Variants in ADORA2B observed in about 807,000 individuals in gnomAD.
The protein encoded by ADORA2B is adenosine receptor A2b.
Under a neutral mutation model 20.8 loss-of-function variants are expected in ADORA2B, and 18 were observed. The observed-to-expected ratio is 0.87, with a 90% confidence interval of 0.60 to 1.29. The LOEUF is 1.29. Among genes scored for constraint, ADORA2B ranks in the 50% most tolerant of loss-of-function variants. ADORA2B has a pLI of 0.00. For missense variants in ADORA2B, 441 were observed against 422.7 expected, an observed-to-expected ratio of 1.04 and a Z score of -0.38; for synonymous variants, 179 against 178.3, an observed-to-expected ratio of 1.00 and a Z score of -0.03.
chr17:15,890,953 T>C, the ADORA2B span, among the ~76,000 whole-genome samples: 1 of 152,146 alleles, frequency 6.6e-6, no homozygotes, highest in Non-Finnish European at 1.5e-5. Flanking sequence ...TAGCCTGAGA[T>C]TGGAACAGAG....
the ADORA2B span, among the ~76,000 whole-genome samples, chr17:15,919,602 G>A: frequency 6.6e-6 from 1 of 152,162 alleles, no homozygotes; most frequent in Admixed American, 6.5e-5. Flanking sequence ...GTCACCTAGT[G>A]TGTCCTGGCA....
the ADORA2B span, among the ~76,000 whole-genome samples, chr17:15,905,974 G>A: frequency 1.3e-5 from 2 of 152,196 alleles, no homozygotes; most frequent in African/African-American, 2.4e-5. Flanking sequence ...TTTGTATACC[G>A]ACTTTGTATT....
the ADORA2B span, among the ~76,000 whole-genome samples, chr17:15,937,674 G>A: frequency 1.3e-5 from 2 of 151,910 alleles, no homozygotes; most frequent in Non-Finnish European, 2.9e-5. Flanking sequence ...CCAGGTTCAA[G>A]CGATTATTCT....
chr17:15,970,976 T>A (rs1464337238), intron 1 of ADORA2B, among the ~76,000 whole-genome samples: 1 of 152,210 alleles, frequency 6.6e-6, no homozygotes, highest in Non-Finnish European at 1.5e-5. Context: ...GTAAAATCTT[T>A]CCTGGAGGTC....
At chr17:15,950,235 A>T (rs951516430) in intron 1 of ADORA2B, among the ~76,000 whole-genome samples, 5 of 152,218 alleles carry the variant, frequency 3.3e-5, no homozygotes, top group African/African-American at 9.6e-5. Context: ...CAGCCAAGGA[A>T]TGAAGGATGG....
the ADORA2B span, among the ~76,000 whole-genome samples, chr17:15,864,728 A>G: frequency 6.6e-6 from 1 of 151,630 alleles, no homozygotes; most frequent in African/African-American, 2.4e-5. Context: ...GGCTGTATGA[A>G]TCAGTTGTTT....
At chr17:15,960,997 C>G (rs952285150) in intron 1 of ADORA2B, among the ~76,000 whole-genome samples, 1 of 151,190 alleles carries the variant, frequency 6.6e-6, no homozygotes, top group Non-Finnish European at 1.5e-5. Context: ...GAAACCCCGT[C>G]TCTACTAAAA....
At chr17:15,854,706 C>G in the ADORA2B span, among the ~76,000 whole-genome samples, 1 of 152,198 alleles carries the variant, frequency 6.6e-6, no homozygotes, top group African/African-American at 2.4e-5. Flanking sequence ...AGTAGGACCT[C>G]TAAGGGAAAG....
intron 1 of ADORA2B, among the ~76,000 whole-genome samples, chr17:15,972,940 T>C (rs1450679098): frequency 6.6e-6 from 1 of 152,194 alleles, no homozygotes; most frequent in Non-Finnish European, 1.5e-5. Flanking sequence ...TTGTACTTTT[T>C]TGTAGAGATG....
intron 1 of ADORA2B, among the ~76,000 whole-genome samples, chr17:15,970,589 TTC>T (rs1395833110): frequency 1.3e-5 from 2 of 152,244 alleles, no homozygotes; most frequent in Non-Finnish European, 2.9e-5. Flanking sequence ...TGTTCTTCTT[TTC>T]TTTGTTTTCT....
intron 1 of ADORA2B, among the ~76,000 whole-genome samples, chr17:15,948,323 G>T (rs534756547): frequency 1.3e-5 from 2 of 148,660 alleles, no homozygotes; most frequent in Admixed American, 7.1e-5. Context: ...TTGCCTTCAG[G>T]ACAGGGCTGG....
At chr17:15,905,502 T>TC in the ADORA2B span, among the ~76,000 whole-genome samples, 1 of 151,918 alleles carries the variant, frequency 6.6e-6, no homozygotes, top group Non-Finnish European at 1.5e-5. Context: ...TGCCTCAGCC[T>TC]CCAAGTAGCT....
the ADORA2B span, among the ~76,000 whole-genome samples, chr17:15,884,597 T>C: frequency 1.3e-5 from 2 of 152,100 alleles, no homozygotes; most frequent in East Asian, 3.9e-4. Context: ...CAGGCCCCAG[T>C]ATGTGTTGTT....
At chr17:15,935,866 C>CTTT in the ADORA2B span, among the ~76,000 whole-genome samples, 21 of 130,102 alleles carry the variant, frequency 1.6e-4, no homozygotes, top group African/African-American at 5.8e-4. Context: ...TGTTATTGTA[C>CTTT]TTTTTTTTTT....
intron 1 of ADORA2B, among the ~76,000 whole-genome samples, chr17:15,958,906 A>G (rs930559065): frequency 1.1e-4 from 16 of 152,104 alleles, no homozygotes; most frequent in Non-Finnish European, 4.4e-5. Flanking sequence ...TTGCTTTCTC[A>G]TTATCCCCTG....
chr17:15,900,065 C>T, the ADORA2B span, among the ~76,000 whole-genome samples: 1,525 of 152,112 alleles, frequency 0.01, 37 homozygotes, highest in African/African-American at 0.034. Flanking sequence ...CTCTTGACCT[C>T]GTGATCCGCT....
the ADORA2B span, among the ~76,000 whole-genome samples, chr17:15,881,425 A>G: frequency 6.6e-6 from 1 of 152,220 alleles, no homozygotes; most frequent in Admixed American, 6.5e-5. Context: ...TTATTGTAAA[A>G]TACACATAAC....
intron 1 of ADORA2B, among the ~76,000 whole-genome samples, chr17:15,972,685 C>T (rs1454387659): frequency 6.6e-6 from 1 of 152,168 alleles, no homozygotes; most frequent in African/African-American, 2.4e-5. Context: ...GGATACTGGT[C>T]AAACCTCTTA....
intron 1 of ADORA2B, among the ~76,000 whole-genome samples, chr17:15,951,719 C>G (rs529309327): frequency 1.3e-5 from 2 of 152,208 alleles, no homozygotes; most frequent in African/African-American, 4.8e-5. Context: ...AGGCCCTCTC[C>G]CTTCGGGGAG....
Sources: gnomAD v4.1 joint callset for allele counts (sites outside exome capture counted in the v4.1 genomes callset) on GRCh38, gnomAD v4.1.1 for gene constraint, MANE v1.5 for transcripts, NCBI Gene and HGNC (gene_info 2026-07-23, HGNC 2026-07-21) for gene names.